The following STK16 variants were observed in gnomAD, a reference collection of about 807,000 sequenced individuals.
The protein encoded by STK16 is serine/threonine kinase 16, also known as serine/threonine-protein kinase 16.
STK16 carries 28 observed loss-of-function variants against 37.8 expected under a neutral mutation model. That is an observed-to-expected ratio of 0.74 (90% confidence interval 0.55 to 1.02). STK16 has a LOEUF of 1.02. STK16 is among the 50% of genes least tolerant of loss of function. STK16 has a pLI of 0.00. For synonymous variants in STK16, 134 were observed against 155.0 expected (o/e 0.86, Z 1.01); for missense variants, 349 against 390.6 (o/e 0.89, Z 0.90).
Position 219,248,453 on chromosome 2 carries a change from C to CGAT in STK16, c.818_820dup (p.Met273dup). ...TCAGCATTGCGGCAGCTCCTGAACTCGATGATGACCGTGGACCCGCATCAG... is the reference window on the plus strand; with the variant it reads ...TCAGCATTGCGGCAGCTCCTGAACTCGATGATGATGACCGTGGACCCGCATCAG... On this transcript the variant is annotated inframe_insertion, in exon 8 of 8. Coordinates refer to ENST00000396738, the MANE Select transcript of STK16 (RefSeq NM_001330213.2). The CGAT allele has an allele frequency of 6.2e-7, 1 of 1,614,150 alleles. No individual in the cohort carries two copies. Among genetic ancestry groups the CGAT allele is most frequent in the Non-Finnish European group, 8.5e-7 (1 of 1,180,010 alleles).
chr2:219,247,326 C>G lies in STK16; in HGVS notation c.440+80C>G. The G allele has an allele frequency of 3.1e-6, 5 of 1,609,094 alleles. No homozygotes were observed. In the South Asian group the frequency reaches 5.5e-5, roughly 18 times the overall value. ...GAGACATGGGAGGTCTCTGTTCTCC[C>G]AAGAAACAGCCTGTATGATTCTTTT... On this transcript the variant is annotated intron_variant, in intron 4 of 7. Coordinates refer to ENST00000396738, the MANE Select transcript of STK16 (RefSeq NM_001330213.2).
intron 7 of STK16, 47 bp from the exon 8 acceptor site, chr2:219,248,374 T>A: frequency 6.2e-7 from 1 of 1,612,844 alleles, no homozygotes; most frequent in Non-Finnish European, 8.5e-7. Context: ...ATTAGCTGAG[T>A]TGACAGATAG....
Position 219,246,324 on chromosome 2 carries a change from C to T in STK16, c.86+239C>T. The T allele has an allele frequency of 1.7e-6, 1 of 601,368 alleles. No individual in the cohort carries two copies. Among genetic ancestry groups the T allele is most frequent in the South Asian group, 2.1e-5 (1 of 48,778 alleles). 37.3% of individuals were successfully genotyped at this position (601,368 alleles called of 1,614,324 possible). ...CTTAATGGAGATGATTATTATCCCT[C>T]ACTGATGGAGTTGTGAGGATTAAAT... On this transcript the variant is annotated intron_variant, in intron 2 of 7. Coordinates refer to ENST00000396738, the MANE Select transcript of STK16 (RefSeq NM_001330213.2). This position sits in a 1 kb window ranked among gnomAD's most constrained non-coding sequence, Gnocchi z 4.5.
Position 219,248,557 on chromosome 2 carries a change from T to C in STK16, c.916T>C (p.Ter306ArgextTer85). The C allele has an allele frequency of 1.2e-6, 2 of 1,603,238 alleles. No individual in the cohort carries two copies. Among genetic ancestry groups the C allele is most frequent in the Non-Finnish European group, 8.5e-7 (1 of 1,175,044 alleles). ...TCCTGGCCAACATACTACCCAAATC[T>C]GAAAAAGCAGCATGTTGAGAAGATG... ...PAPGQHTTQI[*>R] The change falls in exon 8 of 8, where the codon TGA (stop) becomes CGA (arginine). Residue 306 changes from the stop codon to arginine, a stop_lost. Coordinates refer to ENST00000396738, the MANE Select transcript of STK16 (RefSeq NM_001330213.2).
Position 219,246,292 on chromosome 2 carries a change from T to C in STK16, c.86+207T>C, listed in dbSNP as rs906432360. On this transcript the variant is annotated intron_variant, in intron 2 of 7. Coordinates refer to ENST00000396738, the MANE Select transcript of STK16 (RefSeq NM_001330213.2). This position sits in a 1 kb window ranked among gnomAD's most constrained non-coding sequence, Gnocchi z 4.5. ...GTGACCTTGATAAACCATGTTTTTT[T>C]CATCAGCTTAATGGAGATGATTATT... The C allele has an allele frequency of 5.0e-6, 3 of 600,676 alleles. No homozygotes were observed. The highest frequency in any genetic ancestry group is 4.1e-5 in the South Asian group (2 of 49,138). The allele number at this position is 600,676 out of a possible 1,614,324, so 37.2% of individuals were successfully genotyped here.
rs1951601167 is a variant in STK16, at chr2:219,249,135, C to T, written c.*576C>T. ...TCTGCCTGTGTCAAGAACTAGGGCC[C>T]CCTAAAAACACTCAACTAGTTCTTT... On this transcript the variant is annotated 3_prime_UTR_variant, in exon 8 of 8. Coordinates refer to ENST00000396738, the MANE Select transcript of STK16 (RefSeq NM_001330213.2). 1 of 152,314 alleles carries T rather than the reference C, an allele frequency of 6.6e-6. No homozygotes were observed. The highest frequency in any genetic ancestry group is 1.5e-5 in the Non-Finnish European group (1 of 68,136). 9.4% of individuals were successfully genotyped at this position (152,314 alleles called of 1,614,324 possible).
chr2:219,249,204 A>C lies in STK16; in HGVS notation c.*645A>C, dbSNP rs1337074075. On this transcript the variant is annotated 3_prime_UTR_variant, in exon 8 of 8. Coordinates refer to ENST00000396738, the MANE Select transcript of STK16 (RefSeq NM_001330213.2). Reference sequence around the variant, plus strand: ...GTGAGTAGCTTAGTCAAAGCTGCCTAGCCGGTTTGCTAGGCAAGGGCCTCT... The same window carrying C: ...GTGAGTAGCTTAGTCAAAGCTGCCTCGCCGGTTTGCTAGGCAAGGGCCTCT... 1 of 152,238 alleles carries C rather than the reference A, an allele frequency of 6.6e-6. No homozygotes were observed. The highest frequency in any genetic ancestry group is 1.5e-5 in the Non-Finnish European group (1 of 68,050). The allele number at this position is 152,238 out of a possible 1,614,324, so 9.4% of individuals were successfully genotyped here.
chr2:219,248,696 GCAT>G lies in STK16; in HGVS notation c.*139_*141del. 1 of 1,016,176 alleles carries G rather than the reference GCAT, an allele frequency of 9.8e-7. No homozygotes were observed. Among genetic ancestry groups the G allele is most frequent in the South Asian group, 1.8e-5 (1 of 57,002 alleles). The allele number at this position is 1,016,176 out of a possible 1,614,324, so 62.9% of individuals were successfully genotyped here. On this transcript the variant is annotated 3_prime_UTR_variant, in exon 8 of 8. Coordinates refer to ENST00000396738, the MANE Select transcript of STK16 (RefSeq NM_001330213.2). ...GGGTCAGGACAATCATCTCAGTCCT[GCAT>G]CTTTTCTTCTGCTTTCTTCCCTCCA...
rs200058316 is a variant in STK16 at position 219,246,779 on chromosome 2, G to A, written c.209G>A (p.Arg70His). 70 of 1,614,208 alleles carry A rather than the reference G, an allele frequency of 4.3e-5. No homozygotes were observed. The highest frequency in any genetic ancestry group is 3.6e-4 in the East Asian group (16 of 44,886). The stretch of plus-strand genomic sequence containing the variant: ...GCCCAGCGAGAAGCCGACATGCATC[G>A]CCTCTTCAATCACCCCAACATCCTT... Reference protein sequence around the residue: ...EEAQREADMHRLFNHPNILRL... With the variant: ...EEAQREADMHHLFNHPNILRL... Residue 70 changes from arginine (R) to histidine (H), a missense_variant, in exon 3 of 8, where the codon CGC becomes CAC. Coordinates refer to ENST00000396738, the MANE Select transcript of STK16 (RefSeq NM_001330213.2). The surrounding 1 kb of genome is among the most constrained non-coding windows in gnomAD (Gnocchi z 4.5).
chr2:219,246,174 A>G lies in STK16; in HGVS notation c.86+89A>G. On this transcript the variant is annotated intron_variant, in intron 2 of 7. Transcript: ENST00000396738. The surrounding 1 kb of genome is among the most constrained non-coding windows in gnomAD (Gnocchi z 4.5). ...CATATGCTTGGGGCACAAGGGTTTT[A>G]TCCCTATCCCTGTCCTCTCTCACCT... The G allele has an allele frequency of 8.9e-7, 1 of 1,128,510 alleles. No homozygotes were observed. The highest frequency in any genetic ancestry group is 1.3e-6 in the Non-Finnish European group (1 of 770,082). The allele number at this position is 1,128,510 out of a possible 1,614,324, so 69.9% of individuals were successfully genotyped here.
chr2:219,245,990 C>G lies in STK16; in HGVS notation c.-10C>G, dbSNP rs373139618. 71 of 1,612,316 alleles carry G rather than the reference C, an allele frequency of 4.4e-5. No homozygotes were observed. The highest frequency in any genetic ancestry group is 5.9e-5 in the Non-Finnish European group (70 of 1,179,140). On this transcript the variant is annotated 5_prime_UTR_variant, in exon 2 of 8. Coordinates refer to ENST00000396738, the MANE Select transcript of STK16 (RefSeq NM_001330213.2). ...CTCAGACCGTCCTTGAAGAGGATGA[C>G]TGAGACATTATGGGCCACGCGCTGT...
chr2:219,248,829 C>CTG lies in STK16; in HGVS notation c.*271_*272insGT. On this transcript the variant is annotated 3_prime_UTR_variant, in exon 8 of 8. Transcript: ENST00000396738. ...CATGGCTCTGAGCAGGACTGTTGAG[C>CTG]TCACATAGTGTTCTGACTCCAAATC... The CTG allele has an allele frequency of 2.5e-6, 1 of 401,676 alleles. No individual in the cohort carries two copies. 24.9% of individuals were successfully genotyped at this position (401,676 alleles called of 1,614,324 possible).
Position 219,246,259 on chromosome 2 carries a change from C to T in STK16, c.86+174C>T. On this transcript the variant is annotated intron_variant, in intron 2 of 7. Transcript: ENST00000396738. This position sits in a 1 kb window ranked among gnomAD's most constrained non-coding sequence, Gnocchi z 4.5. ...ATTCTGGAGCCAGGCCTGCTAAATCCACCTCGTGTGACCTTGATAAACCAT... is the reference window on the plus strand; with the variant it reads ...ATTCTGGAGCCAGGCCTGCTAAATCTACCTCGTGTGACCTTGATAAACCAT... The T allele has an allele frequency of 1.6e-6, 1 of 614,580 alleles. No individual in the cohort carries two copies. Among genetic ancestry groups the T allele is most frequent in the Non-Finnish European group, 2.9e-6 (1 of 345,744 alleles). 38.1% of individuals were successfully genotyped at this position (614,580 alleles called of 1,614,324 possible).
Position 219,247,783 on chromosome 2 carries a change from G to A in STK16, c.657+26G>A, listed in dbSNP as rs751670657. 11 of 1,552,978 alleles carry A rather than the reference G, an allele frequency of 7.1e-6. No homozygotes were observed. In the Admixed American group the frequency reaches 2.1e-4, roughly 30 times the overall value. On this transcript the variant is annotated intron_variant, in intron 6 of 7. Coordinates refer to ENST00000396738, the MANE Select transcript of STK16 (RefSeq NM_001330213.2). ...GTGAGGAGCATGTGGGTGGGTATCTGGGTAGGGAGGGCTGTGGCTCTGTAC... is the reference window on the plus strand; with the variant it reads ...GTGAGGAGCATGTGGGTGGGTATCTAGGTAGGGAGGGCTGTGGCTCTGTAC...
In STK16 at chr2:219,247,752, G is replaced by A; in HGVS notation, c.652G>A (p.Val218Ile). The change falls in exon 6 of 8, where the codon GTC (valine) becomes ATC (isoleucine). Residue 218 changes from valine to isoleucine, a missense_variant. By Grantham distance (29) the Val-to-Ile change is conservative. Transcript: ENST00000396738. ...CTGTGTCATCGATGAGCGGACTGAT[G>A]TCTGGGTGAGGAGCATGTGGGTGGG... ...SHCVIDERTDVWSLGCVLYAM... is the reference protein window; with the variant it reads ...SHCVIDERTDIWSLGCVLYAM... 6.4e-7 allele frequency: 1 copy of A among 1,574,646 alleles called. No individual in the cohort carries two copies. The highest frequency in any genetic ancestry group is 8.6e-7 in the Non-Finnish European group (1 of 1,158,908).
At position 219,246,390 on chromosome 2, in the gene STK16, A is replaced by G. The variant is rs1008124787; in HGVS notation, c.87-267A>G. The G allele has an allele frequency of 1.5e-5, 9 of 611,282 alleles. No individual in the cohort carries two copies. In the South Asian group the frequency reaches 1.6e-4, roughly 11 times the overall value. 37.9% of individuals were successfully genotyped at this position (611,282 alleles called of 1,614,324 possible). ...AAATGTCTCACCCAATGCGGGGTTGACAAGTACTTGATAAGTGTTGGCTAT... is the reference window on the plus strand; with the variant it reads ...AAATGTCTCACCCAATGCGGGGTTGGCAAGTACTTGATAAGTGTTGGCTAT... On this transcript the variant is annotated intron_variant, in intron 2 of 7. Transcript: ENST00000396738. This position sits in a 1 kb window ranked among gnomAD's most constrained non-coding sequence, Gnocchi z 4.5.
Position 219,247,245 on chromosome 2 carries a change from A to C in STK16, c.439A>C (p.Arg147=). 6.2e-7 allele frequency: 1 copy of C among 1,614,198 alleles called. No individual in the cohort carries two copies. The highest frequency in any genetic ancestry group is 8.5e-7 in the Non-Finnish European group (1 of 1,180,038). Residue 147 remains arginine (R), a splice_region_variant and synonymous_variant, in exon 4 of 8, where the codon AGA becomes CGA. Transcript: ENST00000396738. ...EAIHAKGYAH[R]DLKPTNILLG... is the part of the protein sequence containing the mutation. The stretch of plus-strand genomic sequence containing the variant: ...CATTCATGCCAAGGGTTATGCCCAC[A>C]GGTCAGTGGGAGGACCCTGTGTGCT...
intron 5 of STK16, 28 bp from the exon 6 acceptor site, chr2:219,247,634 C>A (rs1265980157): frequency 6.2e-7 from 1 of 1,613,046 alleles, no homozygotes; most frequent in African/African-American, 1.3e-5. Flanking sequence ...CTGTGCCCCA[C>A]TTTTGAGCTC....
chr2:219,246,583 C>G lies in STK16; in HGVS notation c.87-74C>G, dbSNP rs746705600. The stretch of plus-strand genomic sequence containing the variant: ...TAAATGGGAAGGACACCCCACTCCC[C>G]ACCAGGAAATTTCTCTAGGTCCAAG... On this transcript the variant is annotated intron_variant, in intron 2 of 7. Transcript: ENST00000396738. This position sits in a 1 kb window ranked among gnomAD's most constrained non-coding sequence, Gnocchi z 4.5. 23 of 1,254,494 alleles carry G rather than the reference C, an allele frequency of 1.8e-5. No individual in the cohort carries two copies. The highest frequency in any genetic ancestry group is 3.5e-6 in the Non-Finnish European group (3 of 862,178). The allele number at this position is 1,254,494 out of a possible 1,614,324, so 77.7% of individuals were successfully genotyped here.
Sources: allele counts gnomAD v4.1 joint callset, GRCh38; gene constraint gnomAD v4.1.1; non-coding constraint Gnocchi (gnomAD v3.1); transcripts MANE v1.5; gene names NCBI Gene and HGNC (gene_info 2026-07-23, HGNC 2026-07-21).